Variants in FGF14 observed in about 807,000 individuals in gnomAD.
FGF14 encodes fibroblast growth factor homologous factor 4.
A neutral mutation model predicts 25.5 loss-of-function variants in FGF14; 5 were observed. The observed-to-expected ratio is 0.20, with a 90% CI of 0.10 to 0.41. The LOEUF (loss-of-function observed/expected upper bound fraction) is 0.41. FGF14 is among the 10% of genes least tolerant of loss of function. The pLI, the probability that FGF14 is intolerant of heterozygous loss-of-function variation, is 1.00. For missense variants in FGF14, 222 were observed against 320.1 expected (o/e 0.69, Z 2.34); for synonymous variants, 138 against 118.3 (o/e 1.17, Z -1.08).
At chr13:101,943,812 TA>T (rs58741547) in intron 1 of FGF14, among the ~76,000 whole-genome samples, 10,185 of 134,026 alleles carry the variant, frequency 0.076, 559 homozygotes, top group Admixed American at 0.19. Flanking sequence ...TGTCTCTACT[TA>T]AAAAAAAAAA....
At chr13:102,011,996 AAT>A (rs1198131208) in intron 1 of FGF14, among the ~76,000 whole-genome samples, 1 of 152,148 alleles carries the variant, frequency 6.6e-6, no homozygotes, top group East Asian at 1.9e-4. Context: ...TTGCTACCCA[AAT>A]ATGTTTGTTT....
intron 1 of FGF14, among the ~76,000 whole-genome samples, chr13:102,242,761 T>C (rs967889433): frequency 6.6e-6 from 1 of 152,124 alleles, no homozygotes; most frequent in Non-Finnish European, 1.5e-5. Context: ...ATCCACTTCA[T>C]GTACAGTCTT....
intron 1 of FGF14, among the ~76,000 whole-genome samples, chr13:102,035,932 A>C (rs1387247038): frequency 6.6e-6 from 1 of 152,116 alleles, no homozygotes; most frequent in Admixed American, 6.6e-5. Context: ...GTCAGAAAGG[A>C]AGGCCTGGGG....
At chr13:101,983,490 G>A (rs2139625477) in intron 1 of FGF14, among the ~76,000 whole-genome samples, 1 of 152,240 alleles carries the variant, frequency 6.6e-6, no homozygotes, top group African/African-American at 2.4e-5. Context: ...AATGCAATAA[G>A]TCATCAATCC....
At chr13:101,878,408 T>G (rs1030027525) in intron 1 of FGF14, among the ~76,000 whole-genome samples, 2 of 152,202 alleles carry the variant, frequency 1.3e-5, no homozygotes, top group Non-Finnish European at 2.9e-5. Flanking sequence ...TTTGGACAAT[T>G]TTATGGTAAT....
chr13:101,713,956 T>G lies in FGF14; in HGVS notation c.*8875A>C, dbSNP rs1055100307. 1 of 155,468 alleles carries G rather than the reference T, an allele frequency of 6.4e-6. No individual in the cohort carries two copies. Among genetic ancestry groups the G allele is most frequent in the African/African-American group, 2.4e-5 (1 of 41,462 alleles). 9.6% of individuals were successfully genotyped at this position (155,468 alleles called of 1,614,324 possible). ...GCCACCCAATATGCAGGTGTGCTCC[T>G]ACTCCAAGAAAATCATGTAAACGAA... On this transcript the variant is annotated 3_prime_UTR_variant, in exon 5 of 5. Transcript: ENST00000376143.
In FGF14 at chr13:101,947,445, A is replaced by G. The variant is rs2035881408; in HGVS notation, c.209-72149T>C. Among the ~76,000 whole-genome samples the G allele has an allele frequency of 2.0e-5, 3 of 151,434 alleles. No homozygotes were observed. In the South Asian group the frequency reaches 6.2e-4, roughly 31 times the overall value. ...ATGGAATAAAATGTAGGTGCCCATC[A>G]ATAATGGATTGGATTAGAAAAAAAT... On this transcript the variant is annotated intron_variant, in intron 1 of 4. Transcript: ENST00000376131.
At chr13:102,206,756 G>A (rs1033722995) in intron 1 of FGF14, among the ~76,000 whole-genome samples, 1 of 152,170 alleles carries the variant, frequency 6.6e-6, no homozygotes, top group Non-Finnish European at 1.5e-5. Context: ...AGAACTGAGT[G>A]TGAAAATATC....
chr13:102,018,111 G>A (rs543678574), intron 1 of FGF14, among the ~76,000 whole-genome samples: 2 of 152,186 alleles, frequency 1.3e-5, no homozygotes, highest in African/African-American at 4.8e-5. Flanking sequence ...AAAGTTTGGT[G>A]ACTCCTGTTG....
chr13:101,780,411 T>C (rs184196523), intron 3 of FGF14, among the ~76,000 whole-genome samples: 1 of 152,262 alleles, frequency 6.6e-6, no homozygotes, highest in African/African-American at 2.4e-5. Context: ...TGCTCTAACT[T>C]TTTTTTCTAA....
intron 1 of FGF14, among the ~76,000 whole-genome samples, chr13:102,006,730 T>C (rs1324936491): frequency 3.7e-5 from 4 of 109,070 alleles, no homozygotes; most frequent in East Asian, 5.0e-4. Context: ...CTTACTTCTT[T>C]TTTTTTTTTT....
chr13:102,091,680 G>A (rs980083162), intron 1 of FGF14, among the ~76,000 whole-genome samples: 1 of 152,118 alleles, frequency 6.6e-6, no homozygotes, highest in Non-Finnish European at 1.5e-5. Flanking sequence ...GTCTGAGTTT[G>A]AGTTTCACTA....
intron 1 of FGF14, among the ~76,000 whole-genome samples, chr13:102,382,209 G>T (rs1450887882): frequency 2.0e-5 from 3 of 151,978 alleles, no homozygotes; most frequent in African/African-American, 7.2e-5. Context: ...TCCACAGAAT[G>T]GGATAAAATA....
chr13:101,941,683 T>C (rs1354937236), intron 1 of FGF14, among the ~76,000 whole-genome samples: 5 of 152,126 alleles, frequency 3.3e-5, no homozygotes, highest in African/African-American at 1.2e-4. Flanking sequence ...TTAAATAAAT[T>C]AAATTCTTAG....
At chr13:101,771,717 G>C (rs927414505) in intron 3 of FGF14, among the ~76,000 whole-genome samples, 2 of 151,986 alleles carry the variant, frequency 1.3e-5, no homozygotes, top group Non-Finnish European at 2.9e-5. Flanking sequence ...AAAACTTTCC[G>C]AAGTTTTTTC....
chr13:101,730,871 A>C (rs1289127290), intron 3 of FGF14, among the ~76,000 whole-genome samples: 2 of 152,200 alleles, frequency 1.3e-5, no homozygotes, highest in Non-Finnish European at 2.9e-5. Flanking sequence ...AGATGAAGAC[A>C]GTGGTAGAAG....
intron 3 of FGF14, among the ~76,000 whole-genome samples, chr13:101,755,579 A>G (rs1017067318): frequency 1.3e-5 from 2 of 152,238 alleles, no homozygotes; most frequent in Non-Finnish European, 2.9e-5. Flanking sequence ...AGGAATTCAG[A>G]AAAATTGGGG....
At chr13:102,043,232 T>C (rs2041826511) in intron 1 of FGF14, among the ~76,000 whole-genome samples, 2 of 152,128 alleles carry the variant, frequency 1.3e-5, no homozygotes, top group Admixed American at 1.3e-4. Context: ...AATAACACAA[T>C]CCGGATAAGC....
intron 1 of FGF14, among the ~76,000 whole-genome samples, chr13:101,959,001 C>T (rs1210803881): frequency 2.0e-5 from 3 of 152,122 alleles, no homozygotes; most frequent in African/African-American, 7.2e-5. Context: ...CAGAACACAC[C>T]TCCCCACCCC....
Sources: gnomAD v4.1 joint callset for allele counts (sites outside exome capture counted in the v4.1 genomes callset) on GRCh38, gnomAD v4.1.1 for gene constraint, MANE v1.5 for transcripts, NCBI Gene and HGNC (gene_info 2026-07-23, HGNC 2026-07-21) for gene names.